The following ZNF383 variants were observed in gnomAD, a reference collection of about 807,000 sequenced individuals.
ZNF383 encodes zinc finger protein 383.
Under a neutral mutation model 44.2 loss-of-function variants are expected in ZNF383, and 32 were observed. The observed-to-expected ratio is 0.72, with a 90% CI of 0.55 to 0.97. The LOEUF is 0.97. Ranked by LOEUF, ZNF383 falls within the 50% of genes least tolerant of loss-of-function variation. The probability of loss-of-function intolerance (pLI) is 0.00; values close to 1 mark genes in which losing one functional copy is unlikely to be tolerated. For synonymous variants in ZNF383, 155 were observed against 186.2 expected, an observed-to-expected ratio of 0.83 and a Z score of 1.36; for missense variants, 487 against 562.5, an observed-to-expected ratio of 0.87 and a Z score of 1.36.
At chr19:37,235,492 G>A (rs1245490335) in intron 3 of ZNF383, 57 bp from the exon 4 acceptor site, 26 of 1,585,020 alleles carry the variant, frequency 1.6e-5, no homozygotes, top group East Asian at 6.7e-5. Context: ...TACAAGCATC[G>A]TAGTCTCTGA....
intron 3 of ZNF383, among the ~76,000 whole-genome samples, chr19:37,235,139 G>A (rs1283105083): frequency 6.6e-6 from 1 of 152,022 alleles, no homozygotes; most frequent in African/African-American, 2.4e-5. Context: ...TAGGTGTGGT[G>A]GTGCGTGCCT....
chr19:37,239,685 C>G (rs1599802750), intron 5 of ZNF383, among the ~76,000 whole-genome samples: 1 of 152,028 alleles, frequency 6.6e-6, no homozygotes, highest in Admixed American at 6.6e-5. Context: ...GAAACCTAAG[C>G]CAAATGATAC....
chr19:37,233,491 G>T (rs1973609147), intron 3 of ZNF383, among the ~76,000 whole-genome samples: 1 of 151,592 alleles, frequency 6.6e-6, no homozygotes, highest in Admixed American at 6.6e-5. Context: ...GTGCAGTGGT[G>T]CCATCTTGGC....
intron 3 of ZNF383, among the ~76,000 whole-genome samples, chr19:37,231,559 T>C (rs1973487311): frequency 6.6e-6 from 1 of 152,204 alleles, no homozygotes. Flanking sequence ...TTTATATATC[T>C]TTTTCGTAGC....
In ZNF383 at chr19:37,245,768, C is replaced by A. The variant is rs182028639; in HGVS notation, c.*2104C>A. On this transcript the variant is annotated 3_prime_UTR_variant, in exon 6 of 6. Coordinates refer to ENST00000684119, the MANE Select transcript of ZNF383 (RefSeq NM_001387601.1). ...GATTACAGGTGTGAGCCACTGTGCC[C>A]GGTCAATTATTTTTTCTTATAGCTA... is the stretch of plus-strand genomic sequence containing the variant. 1 of 149,786 alleles carries A rather than the reference C, an allele frequency of 6.7e-6. No individual in the cohort carries two copies. Among genetic ancestry groups the A allele is most frequent in the African/African-American group, 2.5e-5 (1 of 40,604 alleles). The allele number at this position is 149,786 out of a possible 1,614,324, so 9.3% of individuals were successfully genotyped here.
At chr19:37,221,369 C>T (rs1017517341) in intron 1 of ZNF383, among the ~76,000 whole-genome samples, 3 of 148,324 alleles carry the variant, frequency 2.0e-5, no homozygotes, top group East Asian at 4.2e-4. Context: ...ATTGCTTGAG[C>T]CCAGGAGTTT....
chr19:37,238,954 C>G (rs1438101961), intron 5 of ZNF383, among the ~76,000 whole-genome samples: 4 of 152,192 alleles, frequency 2.6e-5, no homozygotes, highest in African/African-American at 9.6e-5. Flanking sequence ...GAGTCTCACT[C>G]TGTCACCCAG....
Position 37,243,022 on chromosome 19 carries a change from C to G in ZNF383, c.786C>G (p.Ala262=), listed in dbSNP as rs1300745658. The part of the protein sequence containing the change: ...KPYECKECGK[A]FSYCSNLIDH... ...ATGAATGTAAGGAATGTGGGAAGGC[C>G]TTTAGTTATTGCTCAAATCTTATTG... is the stretch of plus-strand genomic sequence containing the variant. The change falls in exon 6 of 6, where the codon GCC becomes GCG. Residue 262 remains alanine (A), a synonymous_variant. Coordinates refer to ENST00000684119, the MANE Select transcript of ZNF383 (RefSeq NM_001387601.1). The G allele has an allele frequency of 1.2e-6, 2 of 1,613,646 alleles. No homozygotes were observed. The highest frequency in any genetic ancestry group is 1.7e-5 in the Admixed American group (1 of 59,962).
intron 5 of ZNF383, among the ~76,000 whole-genome samples, chr19:37,237,002 C>CAGAG (rs1326286138): frequency 1.3e-5 from 2 of 150,792 alleles, no homozygotes; most frequent in African/African-American, 2.4e-5. Flanking sequence ...CACAGAGACA[C>CAGAG]ACACACACAC....
At chr19:37,239,559 G>C (rs1225371075) in intron 5 of ZNF383, among the ~76,000 whole-genome samples, 1 of 152,134 alleles carries the variant, frequency 6.6e-6, no homozygotes, top group African/African-American at 2.4e-5. Flanking sequence ...TGCCAGTGTT[G>C]GTGGGCCCCA....
intron 5 of ZNF383, among the ~76,000 whole-genome samples, chr19:37,239,259 T>C (rs1194361381): frequency 1.3e-5 from 2 of 152,194 alleles, no homozygotes; most frequent in Non-Finnish European, 2.9e-5. Flanking sequence ...AATTGAGATA[T>C]AACATTTCTT....
chr19:37,221,936 A>G (rs1282426016), intron 1 of ZNF383, among the ~76,000 whole-genome samples: 4 of 147,122 alleles, frequency 2.7e-5, no homozygotes, highest in African/African-American at 1.0e-4. Flanking sequence ...AGCCTGGCCG[A>G]CAGAGCGAGA....
chr19:37,247,204 T>C lies in ZNF383; in HGVS notation c.*3540T>C, dbSNP rs1045841975. The C allele has an allele frequency of 6.6e-6, 1 of 151,972 alleles. No individual in the cohort carries two copies. Among genetic ancestry groups the C allele is most frequent in the African/African-American group, 2.4e-5 (1 of 41,390 alleles). The allele number at this position is 151,972 out of a possible 1,614,324, so 9.4% of individuals were successfully genotyped here. ...AACTAAAACAAGCTGAAATGAATTGTGGGAGGAAGGAGGTAGTATTATTTT... is the reference window on the plus strand; with the variant it reads ...AACTAAAACAAGCTGAAATGAATTGCGGGAGGAAGGAGGTAGTATTATTTT... On this transcript the variant is annotated 3_prime_UTR_variant, in exon 6 of 6. Transcript: ENST00000684119.
intron 5 of ZNF383, among the ~76,000 whole-genome samples, chr19:37,240,626 C>T (rs970101261): frequency 6.6e-6 from 1 of 152,194 alleles, no homozygotes; most frequent in African/African-American, 2.4e-5. Context: ...AAGCAAGTCT[C>T]CTCTCCCCTA....
intron 3 of ZNF383, among the ~76,000 whole-genome samples, chr19:37,235,056 T>C (rs1973712965): frequency 1.3e-5 from 2 of 152,122 alleles, no homozygotes; most frequent in Admixed American, 1.3e-4. Context: ...GCAGATCACC[T>C]GAGGTCAGGA....
intron 3 of ZNF383, 139 bp from the exon 4 acceptor site, chr19:37,235,410 C>A (rs116804405): frequency 2.5e-6 from 2 of 807,624 alleles, no homozygotes; most frequent in Non-Finnish European, 3.9e-6. Context: ...ACTCTTGCAT[C>A]TATTTCTGAA....
intron 5 of ZNF383, among the ~76,000 whole-genome samples, chr19:37,236,814 C>T (rs375538471): frequency 5.1e-4 from 77 of 152,016 alleles, no homozygotes; most frequent in African/African-American, 1.7e-3. Context: ...ATGATCTACC[C>T]GCCTCAGCCT....
intron 2 of ZNF383, among the ~76,000 whole-genome samples, chr19:37,225,515 T>A (rs1973118257): frequency 6.6e-6 from 1 of 152,176 alleles, no homozygotes; most frequent in Non-Finnish European, 1.5e-5. Flanking sequence ...ATTTCCCTCT[T>A]TCCCCAGCCC....
At chr19:37,232,151 C>T (rs1973522352) in intron 3 of ZNF383, among the ~76,000 whole-genome samples, 1 of 151,710 alleles carries the variant, frequency 6.6e-6, no homozygotes, top group African/African-American at 2.4e-5. Context: ...TCTCGGCTCA[C>T]TGCAACCTCC....
Sources: allele counts gnomAD v4.1 joint callset (sites outside exome capture counted in the v4.1 genomes callset), GRCh38; gene constraint gnomAD v4.1.1; transcripts MANE v1.5; gene names NCBI Gene and HGNC (gene_info 2026-07-23, HGNC 2026-07-21).